ULK4: variants seen among roughly 807,000 people sequenced by gnomAD.
The protein encoded by ULK4 is inactive serine/threonine-protein kinase ULK4.
A neutral mutation model predicts 160.6 loss-of-function variants in ULK4; 133 were observed. The observed-to-expected ratio is 0.83, with a 90% CI of 0.72 to 0.96. The LOEUF (loss-of-function observed/expected upper bound fraction) is 0.96. Among genes scored for constraint, ULK4 ranks in the 40% least tolerant of loss-of-function variants. The pLI, the probability that ULK4 is intolerant of heterozygous loss-of-function variation, is 0.00. For synonymous variants in ULK4, 534 were observed against 539.8 expected, an observed-to-expected ratio of 0.99 and a Z score of 0.15; for missense variants, 1,580 against 1,499.5, an observed-to-expected ratio of 1.05 and a Z score of -0.89.
chr3:41,634,071 T>A (rs1053866138), intron 30 of ULK4, among the ~76,000 whole-genome samples: 11 of 152,200 alleles, frequency 7.2e-5, no homozygotes, highest in Non-Finnish European at 1.6e-4. Flanking sequence ...CTAGCAACCC[T>A]GCCCTAACAG....
intron 34 of ULK4, among the ~76,000 whole-genome samples, chr3:41,450,686 A>C (rs1391240453): frequency 6.6e-6 from 1 of 152,182 alleles, no homozygotes; most frequent in African/African-American, 2.4e-5. Flanking sequence ...GTAACCTATT[A>C]CATTTTTTAT....
At chr3:41,295,026 G>A (rs1385793016) in intron 35 of ULK4, among the ~76,000 whole-genome samples, 5 of 152,132 alleles carry the variant, frequency 3.3e-5, no homozygotes, top group Admixed American at 6.5e-5. Context: ...TTGGAGGACC[G>A]ACACTTTCTA....
At chr3:41,818,434 G>C (rs1409675358) in intron 19 of ULK4, among the ~76,000 whole-genome samples, 1 of 152,142 alleles carries the variant, frequency 6.6e-6, no homozygotes, top group Non-Finnish European at 1.5e-5. Context: ...TCATCTGTGT[G>C]CCTCTAAGTG....
chr3:41,767,749 T>G (rs887514716), intron 21 of ULK4, among the ~76,000 whole-genome samples: 4 of 152,146 alleles, frequency 2.6e-5, no homozygotes, highest in African/African-American at 9.7e-5. Context: ...TAGGAAAGTA[T>G]GTATTCAGCC....
chr3:41,866,134 T>C (rs1174572425), intron 17 of ULK4, among the ~76,000 whole-genome samples: 1 of 152,142 alleles, frequency 6.6e-6, no homozygotes, highest in Non-Finnish European at 1.5e-5. Context: ...CTTCAAACAA[T>C]TTTAGACATG....
At chr3:41,856,533 GTA>G (rs1294902323) in intron 17 of ULK4, among the ~76,000 whole-genome samples, 28 of 75,896 alleles carry the variant, frequency 3.7e-4, no homozygotes, top group Non-Finnish European at 5.9e-4. Flanking sequence ...ATATATATAT[GTA>G]TGTATATATA....
chr3:41,542,111 G>A (rs1370505052), intron 32 of ULK4, among the ~76,000 whole-genome samples: 2 of 152,180 alleles, frequency 1.3e-5, no homozygotes, highest in African/African-American at 2.4e-5. Context: ...CAAAGGGAAT[G>A]CTTCCAGTTT....
intron 35 of ULK4, among the ~76,000 whole-genome samples, chr3:41,324,433 C>G (rs1438875201): frequency 1.3e-5 from 2 of 152,174 alleles, no homozygotes; most frequent in Non-Finnish European, 2.9e-5. Flanking sequence ...ACACAAAGGC[C>G]TATATACTCT....
chr3:41,918,671 G>C (rs1003152823), intron 6 of ULK4, 131 bp from the exon 7 acceptor site: 5 of 468,522 alleles, frequency 1.1e-5, no homozygotes, highest in Admixed American at 4.9e-5. Flanking sequence ...GCGCAATCTC[G>C]GCTCACTGCA....
At chr3:41,578,327 C>T (rs1180564420) in intron 31 of ULK4, among the ~76,000 whole-genome samples, 1 of 152,172 alleles carries the variant, frequency 6.6e-6, no homozygotes, top group Non-Finnish European at 1.5e-5. Context: ...GTATTTTAAG[C>T]ATGATCATAT....
chr3:41,727,747 C>A (rs2037700879), intron 22 of ULK4, among the ~76,000 whole-genome samples: 1 of 151,986 alleles, frequency 6.6e-6, no homozygotes, highest in Admixed American at 6.6e-5. Flanking sequence ...TAAAAAAAAA[C>A]AGCATTCTGG....
chr3:41,832,356 T>C (rs1034808921), intron 18 of ULK4, among the ~76,000 whole-genome samples: 1 of 152,246 alleles, frequency 6.6e-6, no homozygotes, highest in Non-Finnish European at 1.5e-5. Flanking sequence ...GAAATGTCTG[T>C]TCATATCCTT....
intron 27 of ULK4, among the ~76,000 whole-genome samples, chr3:41,700,524 C>A (rs2036639296): frequency 6.6e-6 from 1 of 152,180 alleles, no homozygotes; most frequent in Non-Finnish European, 1.5e-5. Context: ...GATTTGCACA[C>A]TGGGTACAAA....
intron 31 of ULK4, among the ~76,000 whole-genome samples, chr3:41,594,570 C>T (rs1575462912): frequency 6.6e-6 from 1 of 152,062 alleles, no homozygotes; most frequent in East Asian, 1.9e-4. Context: ...AAAAGAAGGC[C>T]ACTGTGGCTG....
intron 34 of ULK4, among the ~76,000 whole-genome samples, chr3:41,455,020 A>T (rs945990877): frequency 1.3e-5 from 2 of 152,078 alleles, no homozygotes; most frequent in African/African-American, 4.8e-5. Context: ...CTCTTTTTGT[A>T]TATTCAATGG....
intron 20 of ULK4, among the ~76,000 whole-genome samples, chr3:41,790,541 C>G (rs2125592867): frequency 6.6e-6 from 1 of 152,214 alleles, no homozygotes. Flanking sequence ...ACAAAAGGTA[C>G]ATAAAGAAGA....
intron 35 of ULK4, among the ~76,000 whole-genome samples, chr3:41,317,063 ATTTTTTTTTTTTT>A (rs1164870603): frequency 1.1e-5 from 1 of 94,522 alleles, no homozygotes; most frequent in Non-Finnish European, 2.0e-5. Context: ...AATTACATCT[ATTTTTTTTTTTTT>A]TTTTTTTTTT....
intron 31 of ULK4, among the ~76,000 whole-genome samples, chr3:41,574,782 G>A (rs375048367): frequency 9.9e-4 from 151 of 152,148 alleles, no homozygotes; most frequent in African/African-American, 2.8e-3. Context: ...TCCTGATCTC[G>A]TAATCCACCT....
At position 41,793,926 on chromosome 3, in the gene ULK4, A is replaced by G. The variant is rs2040220644; in HGVS notation, c.2011-4083T>C. On this transcript the variant is annotated intron_variant, in intron 20 of 36. Transcript: ENST00000301831. ...ATTTTACTCTAAGCCACACTGGTGT[A>G]TTTTAAGAGCTGCAAGGACTAGGGC... Among the ~76,000 whole-genome samples the G allele has an allele frequency of 2.0e-5, 3 of 152,208 alleles. No individual in the cohort carries two copies. The South Asian group carries it at 6.2e-4, about 32-fold the overall frequency.
Sources: gnomAD v4.1 joint callset for allele counts (sites outside exome capture counted in the v4.1 genomes callset) on GRCh38, gnomAD v4.1.1 for gene constraint, MANE v1.5 for transcripts, NCBI Gene and HGNC (gene_info 2026-07-23, HGNC 2026-07-21) for gene names.